Variants in ANK2 observed in about 807,000 individuals in gnomAD.
ANK2 encodes ankyrin-2.
A neutral mutation model predicts 360.5 loss-of-function variants in ANK2; 83 were observed. The observed-to-expected ratio is 0.23, with a 90% CI of 0.19 to 0.28. The LOEUF (loss-of-function observed/expected upper bound fraction) is 0.28. Ranked by LOEUF, ANK2 falls within the 10% of genes least tolerant of loss-of-function variation. The pLI is 1.00. For missense variants in ANK2, 4,201 were observed against 4,795.7 expected, an observed-to-expected ratio of 0.88 and a Z score of 3.66; for synonymous variants, 1,740 against 1,759.5, an observed-to-expected ratio of 0.99 and a Z score of 0.28.
chr4:113,312,851 T>C (rs2080830184), intron 24 of ANK2, among the ~76,000 whole-genome samples: 1 of 152,146 alleles, frequency 6.6e-6, no homozygotes, highest in African/African-American at 2.4e-5. Flanking sequence ...AAGGAGAGTT[T>C]CAAAGGGCTA....
At chr4:112,925,655 G>A (rs1479411816) in intron 2 of ANK2, among the ~76,000 whole-genome samples, 1 of 152,198 alleles carries the variant, frequency 6.6e-6, no homozygotes, top group Non-Finnish European at 1.5e-5. Flanking sequence ...AAAGGTATAA[G>A]TATACTATAA....
At chr4:113,274,876 A>G (rs2059676314) in intron 15 of ANK2, among the ~76,000 whole-genome samples, 2 of 152,232 alleles carry the variant, frequency 1.3e-5, no homozygotes, top group African/African-American at 2.4e-5. Context: ...CAATGTTTCT[A>G]GGACAGGTAT....
intron 2 of ANK2, among the ~76,000 whole-genome samples, chr4:112,978,655 T>C (rs761651168): frequency 1.3e-5 from 2 of 152,228 alleles, no homozygotes; most frequent in Non-Finnish European, 2.9e-5. Context: ...TATCTGAATA[T>C]CCTTCCTTTT....
chr4:112,852,354 T>C (rs1350059921), intron 1 of ANK2, among the ~76,000 whole-genome samples: 1 of 152,226 alleles, frequency 6.6e-6, no homozygotes, highest in Non-Finnish European at 1.5e-5. Flanking sequence ...TCTGAGATTG[T>C]ACTTAAAAGT....
At chr4:112,965,928 G>A in intron 2 of ANK2, among the ~76,000 whole-genome samples, 1 of 151,710 alleles carries the variant, frequency 6.6e-6, no homozygotes, top group Admixed American at 6.6e-5. Flanking sequence ...CTTATTGCCT[G>A]ATTTTATAAA....
At chr4:113,173,482 T>C (rs2098071548) in intron 1 of ANK2, among the ~76,000 whole-genome samples, 1 of 152,200 alleles carries the variant, frequency 6.6e-6, no homozygotes, top group African/African-American at 2.4e-5. Context: ...TAGTCAGATA[T>C]TATATGACAA....
chr4:113,136,237 C>G (rs971944525), intron 1 of ANK2, among the ~76,000 whole-genome samples: 6 of 152,156 alleles, frequency 3.9e-5, no homozygotes, highest in Non-Finnish European at 8.8e-5. Flanking sequence ...TAACAATCAT[C>G]CTGATGGCTC....
chr4:113,175,989 A>G (rs1252424215), intron 2 of ANK2, among the ~76,000 whole-genome samples: 2 of 152,214 alleles, frequency 1.3e-5, no homozygotes, highest in Non-Finnish European at 2.9e-5. Flanking sequence ...ATTGCTTTTT[A>G]TCTGGGCTAT....
chr4:113,156,376 T>TTTTTTG (rs1473433100), intron 1 of ANK2, among the ~76,000 whole-genome samples: 1 of 145,866 alleles, frequency 6.9e-6, no homozygotes, highest in Non-Finnish European at 1.5e-5. Context: ...AAATTCTTTT[T>TTTTTTG]TTTTTGTTTT....
At chr4:112,895,474 A>G (rs990750865) in intron 1 of ANK2, among the ~76,000 whole-genome samples, 1 of 152,092 alleles carries the variant, frequency 6.6e-6, no homozygotes, top group Admixed American at 6.6e-5. Context: ...CAATTTTACA[A>G]TCTTTTAGGT....
At chr4:112,722,027 G>T in the ANK2 span, among the ~76,000 whole-genome samples, 1 of 152,162 alleles carries the variant, frequency 6.6e-6, no homozygotes, top group Admixed American at 6.5e-5. Context: ...CTCATAAAAG[G>T]TTTTATTTTG....
intron 2 of ANK2, among the ~76,000 whole-genome samples, chr4:112,938,240 T>C (rs2093920474): frequency 6.6e-6 from 1 of 152,188 alleles, no homozygotes; most frequent in African/African-American, 2.4e-5. Flanking sequence ...AAACTGAGGT[T>C]CATGGTGATT....
intron 1 of ANK2, among the ~76,000 whole-genome samples, chr4:112,838,384 A>G (rs549999049): frequency 6.6e-6 from 1 of 152,320 alleles, no homozygotes; most frequent in South Asian, 2.1e-4. Flanking sequence ...GAATGGACTA[A>G]TACAGAGGCC....
chr4:113,196,290 TTATATG>T, intron 2 of ANK2, 72 bp from the exon 3 acceptor site: 1 of 1,077,848 alleles, frequency 9.3e-7, no homozygotes, highest in Non-Finnish European at 1.4e-6. Context: ...GTTCTCTGGG[TTATATG>T]CTTGAGTAGG....
At chr4:113,276,918 TC>T (rs1385496571) in intron 15 of ANK2, among the ~76,000 whole-genome samples, 1 of 152,034 alleles carries the variant, frequency 6.6e-6, no homozygotes, top group African/African-American at 2.4e-5. Flanking sequence ...GTGTTAGAAT[TC>T]CCCCACTCCC....
intron 24 of ANK2, among the ~76,000 whole-genome samples, chr4:113,315,818 A>T (rs566369267): frequency 6.8e-6 from 1 of 147,874 alleles, no homozygotes; most frequent in East Asian, 2.0e-4. Context: ...AGAATGGTGA[A>T]CCTGGGAGGC....
At chr4:112,882,533 G>A (rs964345899) in intron 1 of ANK2, among the ~76,000 whole-genome samples, 1 of 152,082 alleles carries the variant, frequency 6.6e-6, no homozygotes, top group Non-Finnish European at 1.5e-5. Flanking sequence ...ATCTGGGGGT[G>A]GGAATGTGCC....
At position 112,965,228 on chromosome 4, in the gene ANK2, C is replaced by T. The variant is rs547259448; in HGVS notation, c.21+60714C>T. 1.4e-4 allele frequency among the ~76,000 whole-genome samples: 21 copies of T among 152,176 alleles called. 1 individual carries two copies. In the South Asian group the frequency reaches 4.4e-3, roughly 32 times the overall value. On this transcript the variant is annotated intron_variant, in intron 2 of 30. Transcript: ENST00000503271. ...GTGAGAGTATATCTCATTGTAGTTT[C>T]GATTTGCATTTCTCTGATGATCAAT... is the stretch of plus-strand genomic sequence containing the variant.
intron 1 of ANK2, among the ~76,000 whole-genome samples, chr4:113,089,378 C>G (rs1215056829): frequency 6.6e-6 from 1 of 152,166 alleles, no homozygotes; most frequent in Non-Finnish European, 1.5e-5. Context: ...TAATTTTGTT[C>G]TGCTTTACCA....
Sources: allele counts gnomAD v4.1 joint callset (sites outside exome capture counted in the v4.1 genomes callset), GRCh38; gene constraint gnomAD v4.1.1; transcripts MANE v1.5; gene names NCBI Gene and HGNC (gene_info 2026-07-23, HGNC 2026-07-21).